Variants in ERBB4 observed in about 807,000 individuals in gnomAD.
ERBB4 encodes the protein erb-b2 receptor tyrosine kinase 4, also known as receptor tyrosine-protein kinase erbB-4.
A neutral mutation model predicts 158.0 loss-of-function variants in ERBB4; 42 were observed. The observed-to-expected ratio is 0.27, with a 90% confidence interval of 0.21 to 0.34. The LOEUF (loss-of-function observed/expected upper bound fraction) is 0.34. ERBB4 is among the 10% of genes least tolerant of loss of function. ERBB4 has a pLI of 1.00. For missense variants in ERBB4, 1,333 were observed against 1,624.1 expected, an observed-to-expected ratio of 0.82 and a Z score of 3.08; for synonymous variants, 583 against 558.7, an observed-to-expected ratio of 1.04 and a Z score of -0.61.
rs144720482 is a variant in ERBB4 at position 212,242,922 on chromosome 2, T to C, written c.83-118019A>G. 2.0e-5 allele frequency among the ~76,000 whole-genome samples: 3 copies of C among 152,242 alleles called. No individual in the cohort carries two copies. The East Asian group carries it at 5.8e-4, about 29-fold the overall frequency. ...GAAAGAAATATTTTGACAGGGGAGATTGCACTTGAACACATCAAAGTGTCA... is the reference window on the plus strand; with the variant it reads ...GAAAGAAATATTTTGACAGGGGAGACTGCACTTGAACACATCAAAGTGTCA... On this transcript the variant is annotated intron_variant, in intron 1 of 27. Coordinates refer to ENST00000342788, the MANE Select transcript of ERBB4 (RefSeq NM_005235.3).
intron 4 of ERBB4, among the ~76,000 whole-genome samples, chr2:211,754,547 C>A (rs1422179140): frequency 1.3e-5 from 2 of 150,192 alleles, no homozygotes; most frequent in African/African-American, 4.9e-5. Flanking sequence ...ATTACAGGTG[C>A]CTGCCATACG....
At chr2:211,649,965 T>C (rs1026747674) in intron 16 of ERBB4, among the ~76,000 whole-genome samples, 3 of 151,996 alleles carry the variant, frequency 2.0e-5, no homozygotes, top group Non-Finnish European at 2.9e-5. Flanking sequence ...TACAGAAGAA[T>C]AATTGTATGT....
chr2:212,495,477 T>C (rs889670747), intron 1 of ERBB4, among the ~76,000 whole-genome samples: 3 of 152,200 alleles, frequency 2.0e-5, no homozygotes, highest in African/African-American at 7.2e-5. Flanking sequence ...TCAACCCTAC[T>C]AGCAACTAAT....
At chr2:211,592,360 C>T (rs528840305) in intron 19 of ERBB4, among the ~76,000 whole-genome samples, 1 of 152,038 alleles carries the variant, frequency 6.6e-6, no homozygotes, top group East Asian at 1.9e-4. Context: ...CTGTCTGGCT[C>T]TCTTAGCTAA....
At chr2:211,466,973 A>T (rs1223590832) in intron 20 of ERBB4, among the ~76,000 whole-genome samples, 2 of 152,148 alleles carry the variant, frequency 1.3e-5, no homozygotes, top group African/African-American at 2.4e-5. Flanking sequence ...TTGCTGAATT[A>T]AAAATATAGA....
chr2:211,438,989 A>AGT (rs58211149), intron 20 of ERBB4, among the ~76,000 whole-genome samples: 47,835 of 149,050 alleles, frequency 0.32, 7,654 homozygotes, highest in South Asian at 0.5. Context: ...AATATATTTG[A>AGT]GTGTGTGTGT....
intron 3 of ERBB4, among the ~76,000 whole-genome samples, chr2:211,872,121 G>A (rs902008454): frequency 8.5e-5 from 13 of 152,100 alleles, no homozygotes; most frequent in Middle Eastern, 3.4e-3. Context: ...ATATCATTCC[G>A]TGCTTGCTAA....
At chr2:211,989,417 C>T (rs967830202) in intron 2 of ERBB4, among the ~76,000 whole-genome samples, 3 of 151,672 alleles carry the variant, frequency 2.0e-5, no homozygotes, top group African/African-American at 7.3e-5. Context: ...CAACTGCTGC[C>T]CAACACTGTT....
At chr2:211,849,845 G>T (rs2077676154) in intron 3 of ERBB4, among the ~76,000 whole-genome samples, 1 of 151,968 alleles carries the variant, frequency 6.6e-6, no homozygotes, top group Non-Finnish European at 1.5e-5. Context: ...AAATGAGGTG[G>T]AGAATAGCAC....
At chr2:211,914,427 G>C (rs114648726) in intron 3 of ERBB4, among the ~76,000 whole-genome samples, 4,952 of 151,878 alleles carry the variant, frequency 0.033, 109 homozygotes, top group African/African-American at 0.061. Flanking sequence ...AAACATCCTT[G>C]ATTATTCACA....
At chr2:211,790,673 A>T (rs2076259389) in intron 3 of ERBB4, among the ~76,000 whole-genome samples, 1 of 152,070 alleles carries the variant, frequency 6.6e-6, no homozygotes, top group African/African-American at 2.4e-5. Context: ...AATCCAGATG[A>T]TACTTTTATC....
intron 4 of ERBB4, chr2:211,779,146 C>G (rs1270198808): frequency 6.6e-6 from 1 of 152,198 alleles, no homozygotes. Context: ...GCATACAGCA[C>G]CTCTACTACC....
At chr2:211,662,060 A>T in intron 15 of ERBB4, among the ~76,000 whole-genome samples, 1 of 128,580 alleles carries the variant, frequency 7.8e-6, no homozygotes, top group South Asian at 2.5e-4. Flanking sequence ...AAAAAAAAAA[A>T]AAAAAAAAAA....
At chr2:211,745,735 C>CAA (rs796195650) in intron 5 of ERBB4, among the ~76,000 whole-genome samples, 22 of 139,674 alleles carry the variant, frequency 1.6e-4, no homozygotes, top group South Asian at 4.7e-4. Context: ...AAAAACAAAA[C>CAA]AAAAAAAACC....
intron 1 of ERBB4, among the ~76,000 whole-genome samples, chr2:212,266,240 A>G (rs2085132150): frequency 6.6e-6 from 1 of 151,916 alleles, no homozygotes; most frequent in South Asian, 2.1e-4. Context: ...GATATTAAAT[A>G]ATTTTTTTCT....
chr2:211,864,371 A>G (rs1488440727), intron 3 of ERBB4, among the ~76,000 whole-genome samples: 1 of 151,984 alleles, frequency 6.6e-6, no homozygotes, highest in East Asian at 1.9e-4. Context: ...GCTTCTGGGG[A>G]TCTCTTTGGC....
At chr2:211,905,744 G>GTGTATATATATA (rs749531602) in intron 3 of ERBB4, among the ~76,000 whole-genome samples, 4 of 119,388 alleles carry the variant, frequency 3.4e-5, no homozygotes, top group African/African-American at 1.3e-4. Flanking sequence ...GCATGTGTGT[G>GTGTATATATATA]TATATATATA....
chr2:211,905,648 A>ATATATATG (rs2079361374), intron 3 of ERBB4, among the ~76,000 whole-genome samples: 3 of 3,738 alleles, frequency 8.0e-4, no homozygotes, highest in East Asian at 7.9e-3. Flanking sequence ...AGGAAGGATC[A>ATATATATG]TATATATATA....
intron 7 of ERBB4, among the ~76,000 whole-genome samples, chr2:211,720,141 G>A (rs1041559012): frequency 6.6e-6 from 1 of 152,140 alleles, no homozygotes. Context: ...AGTTGTTCCC[G>A]GTAACCGATG....
Sources: gnomAD v4.1 joint callset for allele counts (sites outside exome capture counted in the v4.1 genomes callset) on GRCh38, gnomAD v4.1.1 for gene constraint, MANE v1.5 for transcripts, NCBI Gene and HGNC (gene_info 2026-07-23, HGNC 2026-07-21) for gene names.